The following TMEM9B variants were observed in gnomAD, a reference collection of about 807,000 sequenced individuals.
The protein encoded by TMEM9B is TMEM9 domain family member B.
TMEM9B carries 8 observed loss-of-function variants against 23.5 expected under a neutral mutation model. The ratio of observed to expected loss-of-function variants is 0.34; its 90% CI spans 0.20 to 0.61. The LOEUF (loss-of-function observed/expected upper bound fraction) is 0.61. TMEM9B is among the 20% of genes least tolerant of loss of function. The pLI, the probability that TMEM9B is intolerant of heterozygous loss-of-function variation, is 0.78. For missense variants in TMEM9B, 197 were observed against 252.3 expected (o/e 0.78, Z 1.49); for synonymous variants, 106 against 96.3 (o/e 1.10, Z -0.59).
At chr11:8,960,563 T>C (rs1854058130) in intron 2 of TMEM9B, among the ~76,000 whole-genome samples, 1 of 152,220 alleles carries the variant, frequency 6.6e-6, no homozygotes, top group African/African-American at 2.4e-5. Context: ...ACTTGAATAG[T>C]GAGTTCATTT....
At chr11:8,949,490 G>T (rs1853838165) in intron 4 of TMEM9B, among the ~76,000 whole-genome samples, 1 of 152,162 alleles carries the variant, frequency 6.6e-6, no homozygotes. Context: ...GTCACAAGTT[G>T]TACCTCTTAT....
At chr11:8,953,091 G>A in intron 4 of TMEM9B, 112 bp downstream of exon 4, 2 of 1,329,100 alleles carry the variant, frequency 1.5e-6, no homozygotes, top group Non-Finnish European at 1.1e-6. Context: ...TTCTCTAGTT[G>A]AGGATCTGCT....
intron 3 of TMEM9B, 100 bp from the exon 4 acceptor site, chr11:8,953,437 T>G (rs1853919203): frequency 8.5e-7 from 1 of 1,172,934 alleles, no homozygotes; most frequent in Non-Finnish European, 1.2e-6. Flanking sequence ...GCTAAGCCTA[T>G]AGGATTTCTA....
intron 3 of TMEM9B, among the ~76,000 whole-genome samples, chr11:8,954,973 A>C (rs1853946997): frequency 6.6e-6 from 1 of 152,140 alleles, no homozygotes; most frequent in Non-Finnish European, 1.5e-5. Context: ...CAACATGGTG[A>C]AATCCTGTCT....
rs546228693 is a variant in TMEM9B at position 8,963,943 on chromosome 11, TG to T, written c.105+265del. 2.3e-3 allele frequency: 1,065 copies of T among 464,812 alleles called. 15 individuals carry two copies. Among genetic ancestry groups the T allele is most frequent in the African/African-American group, 0.022 (947 of 43,276 alleles). 28.8% of individuals were successfully genotyped at this position (464,812 alleles called of 1,614,324 possible). On this transcript the variant is annotated intron_variant, in intron 1 of 4. Coordinates refer to ENST00000534025, the MANE Select transcript of TMEM9B (RefSeq NM_020644.3). ...GCTGGGAAGGGAAATGTTAAGGCGG[TG>T]GGGGGCTGCTGTCCGGACTGTGGGC...
At position 8,947,646 on chromosome 11, in the gene TMEM9B, G is replaced by A. The variant is rs1853793591; in HGVS notation, c.*674C>T. On this transcript the variant is annotated 3_prime_UTR_variant, in exon 5 of 5. Coordinates refer to ENST00000534025, the MANE Select transcript of TMEM9B (RefSeq NM_020644.3). ...ACTAGCAAATGGCCAGTTTGTTCTA[G>A]GATGCATTGCATCAGACATCACAGT... The A allele has an allele frequency of 6.6e-6, 1 of 152,604 alleles. No homozygotes were observed. The highest frequency in any genetic ancestry group is 2.1e-4 in the South Asian group (1 of 4,826). 9.5% of individuals were successfully genotyped at this position (152,604 alleles called of 1,614,324 possible).
intron 1 of TMEM9B, chr11:8,963,879 G>T (rs1338075939): frequency 1.2e-5 from 4 of 322,748 alleles, no homozygotes; most frequent in African/African-American, 2.2e-5. Context: ...GGCTCTCGGA[G>T]GTGAAAAGGT....
intron 4 of TMEM9B, among the ~76,000 whole-genome samples, chr11:8,949,098 C>G (rs1380731868): frequency 6.6e-6 from 1 of 152,174 alleles, no homozygotes; most frequent in African/African-American, 2.4e-5. Context: ...CCCCACTTCC[C>G]CAATGTGTAA....
chr11:8,960,367 C>T (rs1043883331), intron 2 of TMEM9B, among the ~76,000 whole-genome samples: 2 of 152,070 alleles, frequency 1.3e-5, no homozygotes, highest in African/African-American at 4.8e-5. Flanking sequence ...TTCTTGAACT[C>T]CTGGCCTCAA....
chr11:8,960,307 A>G (rs1854053276), intron 2 of TMEM9B, among the ~76,000 whole-genome samples: 1 of 151,824 alleles, frequency 6.6e-6, no homozygotes, highest in Non-Finnish European at 1.5e-5. Flanking sequence ...ATGCCCAGCT[A>G]ATTTTTATAT....
rs981596600 is a variant in TMEM9B at position 8,964,392 on chromosome 11, C to T, written c.-79G>A. The T allele has an allele frequency of 6.6e-7, 1 of 1,511,520 alleles. No individual in the cohort carries two copies. Among genetic ancestry groups the T allele is most frequent in the Non-Finnish European group, 8.8e-7 (1 of 1,132,934 alleles). 93.6% of individuals were successfully genotyped at this position (1,511,520 alleles called of 1,614,324 possible). Reference sequence around the variant, plus strand: ...TCGGGCTCAGGCTCAGGCTCAGGCTCAGGCACAGGCTTGGGACCCGGCTGG... The same window carrying T: ...TCGGGCTCAGGCTCAGGCTCAGGCTTAGGCACAGGCTTGGGACCCGGCTGG... On this transcript the variant is annotated 5_prime_UTR_variant, in exon 1 of 5. Transcript: ENST00000534025.
chr11:8,959,538 C>A (rs767030732), intron 2 of TMEM9B, among the ~76,000 whole-genome samples: 3 of 152,204 alleles, frequency 2.0e-5, no homozygotes, highest in Admixed American at 6.5e-5. Flanking sequence ...GCTTTGGCAA[C>A]AATACCTAAG....
At chr11:8,954,779 A>C (rs778573139) in intron 3 of TMEM9B, among the ~76,000 whole-genome samples, 1 of 152,310 alleles carries the variant, frequency 6.6e-6, no homozygotes, top group East Asian at 1.9e-4. Context: ...TCACAGCAGA[A>C]ATGTTTGTGA....
rs962108884 is a variant in TMEM9B at position 8,964,406 on chromosome 11, G to A, written c.-93C>T. ...AGGCTCAGGCTCAGGCACAGGCTTGGGACCCGGCTGGGGATCCTCCGCCCG... is the reference window on the plus strand; with the variant it reads ...AGGCTCAGGCTCAGGCACAGGCTTGAGACCCGGCTGGGGATCCTCCGCCCG... On this transcript the variant is annotated 5_prime_UTR_variant, in exon 1 of 5. Coordinates refer to ENST00000534025, the MANE Select transcript of TMEM9B (RefSeq NM_020644.3). The A allele has an allele frequency of 9.3e-5, 136 of 1,468,854 alleles. No individual in the cohort carries two copies. The highest frequency in any genetic ancestry group is 1.1e-4 in the Non-Finnish European group (119 of 1,114,508). The allele number at this position is 1,468,854 out of a possible 1,614,324, so 91.0% of individuals were successfully genotyped here.
intron 3 of TMEM9B, 145 bp from the exon 4 acceptor site, chr11:8,953,482 A>C: frequency 1.2e-6 from 1 of 807,738 alleles, no homozygotes; most frequent in East Asian, 2.7e-5. Context: ...AATAAACTCA[A>C]CTCTTCACCA....
rs1371107781 is a variant in TMEM9B, at chr11:8,953,281, A to C, written c.363T>G (p.Tyr121Ter). The C allele has an allele frequency of 1.2e-6, 2 of 1,613,994 alleles. No individual in the cohort carries two copies. Among genetic ancestry groups the C allele is most frequent in the Non-Finnish European group, 1.7e-6 (2 of 1,179,988 alleles). ...ILGLLLLYMV[Y>*]LTLVEPILKR... Reference sequence around the variant, plus strand: ...TCAGTATGGGCTCAACCAGAGTAAGATATACCATGTACAGAAGTAGAAGGC... The same window carrying C: ...TCAGTATGGGCTCAACCAGAGTAAGCTATACCATGTACAGAAGTAGAAGGC... Residue 121 changes from tyrosine to a stop codon, truncating the protein, a stop_gained, in exon 4 of 5, where the codon TAT (tyrosine) becomes TAG (stop). Coordinates refer to ENST00000534025, the MANE Select transcript of TMEM9B (RefSeq NM_020644.3). LOFTEE classifies it high-confidence loss of function.
intron 4 of TMEM9B, among the ~76,000 whole-genome samples, chr11:8,951,611 A>T (rs2134862685): frequency 6.6e-6 from 1 of 151,164 alleles, no homozygotes; most frequent in African/African-American, 2.4e-5. Flanking sequence ...ACGAAAAATT[A>T]GCCGGGCGCG....
At chr11:8,952,753 A>G (rs1853908853) in intron 4 of TMEM9B, 1 of 210,472 alleles carries the variant, frequency 4.8e-6, no homozygotes, top group Non-Finnish European at 9.5e-6. Context: ...GAAATATAAA[A>G]CATCAGCAGG....
intron 3 of TMEM9B, 118 bp from the exon 4 acceptor site, chr11:8,953,455 C>G (rs1853919600): frequency 1.1e-6 from 1 of 948,788 alleles, no homozygotes; most frequent in East Asian, 2.6e-5. Context: ...CTATACAAAC[C>G]AGATAGCAAT....
Sources: gnomAD v4.1 joint callset for allele counts (sites outside exome capture counted in the v4.1 genomes callset) on GRCh38, gnomAD v4.1.1 for gene constraint, MANE v1.5 for transcripts, NCBI Gene and HGNC (gene_info 2026-07-23, HGNC 2026-07-21) for gene names.